Variants in HMG20B observed in about 807,000 individuals in gnomAD.
The protein encoded by HMG20B is high mobility group 20B.
In HMG20B, 24 loss-of-function variants were observed where a neutral mutation model predicts 41.6. The observed-to-expected ratio is 0.58, with a 90% CI of 0.42 to 0.81. The LOEUF (loss-of-function observed/expected upper bound fraction) is 0.81, where lower values mean the gene tolerates loss of function less well. HMG20B is among the 30% of genes least tolerant of loss of function. The pLI is 0.00. For missense variants in HMG20B, 461 were observed against 444.0 expected, an observed-to-expected ratio of 1.04 and a Z score of -0.34; for synonymous variants, 251 against 186.6, an observed-to-expected ratio of 1.34 and a Z score of -2.81.
intron 9 of HMG20B, 49 bp from the exon 10 acceptor site, chr19:3,578,460 G>A (rs576043068): frequency 6.7e-7 from 1 of 1,485,162 alleles, no homozygotes; most frequent in African/African-American, 1.4e-5. Context: ...CCGGGGTGGG[G>A]GCCAGAGATG....
chr19:3,577,540 C>A (rs1316365026), intron 8 of HMG20B, among the ~76,000 whole-genome samples: 2 of 146,898 alleles, frequency 1.4e-5, no homozygotes, highest in Admixed American at 1.4e-4. Context: ...CGCCAGCCCC[C>A]GACCAGCCTG....
At position 3,574,505 on chromosome 19, in the gene HMG20B, G is replaced by A. The variant is rs1316189057; in HGVS notation, c.270G>A (p.Thr90=). The change falls in exon 4 of 10, where the codon ACG becomes ACA. Residue 90 remains threonine, a synonymous_variant. Coordinates refer to ENST00000333651, the MANE Select transcript of HMG20B (RefSeq NM_006339.3). ...FLNERREQIR[T]RHPDLPFPEI... Reference sequence around the variant, plus strand: ...ACGAGCGGCGCGAGCAGATCCGCACGCGCCACCCGGATCTGCCCTTTCCCG... The same window carrying A: ...ACGAGCGGCGCGAGCAGATCCGCACACGCCACCCGGATCTGCCCTTTCCCG... 6.2e-7 allele frequency: 1 copy of A among 1,605,974 alleles called. No homozygotes were observed. Among genetic ancestry groups the A allele is most frequent in the Non-Finnish European group, 8.5e-7 (1 of 1,177,322 alleles).
chr19:3,573,387 C>A (rs777304463), intron 2 of HMG20B, 40 bp downstream of exon 2: 2 of 1,497,720 alleles, frequency 1.3e-6, no homozygotes, highest in South Asian at 2.5e-5. Context: ...TCGCTACTTT[C>A]CCGGCTGCAG....
chr19:3,577,145 A>T (rs1313142220), intron 8 of HMG20B, 38 bp downstream of exon 8: 1 of 1,244,588 alleles, frequency 8.0e-7, no homozygotes, highest in African/African-American at 2.5e-5. Context: ...CGCCCCGGTC[A>T]CCCGGCCCCG....
Position 3,578,642 on chromosome 19 carries a change from G to T in HMG20B, c.*121G>T. 7.9e-7 allele frequency: 1 copy of T among 1,266,530 alleles called. No homozygotes were observed. Among genetic ancestry groups the T allele is most frequent in the Non-Finnish European group, 1.1e-6 (1 of 888,330 alleles). 78.5% of individuals were successfully genotyped at this position (1,266,530 alleles called of 1,614,324 possible). A position where few individuals can be genotyped will look rare whatever the true frequency, so the allele number is the denominator to read the frequency against. On this transcript the variant is annotated 3_prime_UTR_variant, in exon 10 of 10. Transcript: ENST00000333651. ...GCCTGGTCCCATCCTGCACCTTGGGGGCTCCAGCCCCCCTAAAATTAAATT... is the reference window on the plus strand; with the variant it reads ...GCCTGGTCCCATCCTGCACCTTGGGTGCTCCAGCCCCCCTAAAATTAAATT...
At chr19:3,574,059 T>TC (rs1461717160) in intron 3 of HMG20B, 1 of 646,488 alleles carries the variant, frequency 1.5e-6, no homozygotes, top group Non-Finnish European at 2.8e-6. Flanking sequence ...GGCGGCACCC[T>TC]CCCCTTGGTC....
Position 3,576,892 on chromosome 19 carries a change from CG to C in HMG20B, c.594del (p.Arg199ValfsTer11), listed in dbSNP as rs1340452952. The part of the protein sequence containing the change: ...FTEEFLDQNK[A>X]REAELRRLRK... ...TTTGACCCCGCTCCCCCCGGCGCAG[CG>C]CGTGAGGCGGAGCTTCGGCGCTTGC... On this transcript the variant is annotated frameshift_variant and splice_region_variant, in exon 8 of 10. Coordinates refer to ENST00000333651, the MANE Select transcript of HMG20B (RefSeq NM_006339.3). LOFTEE classifies it high-confidence loss of function. The C allele has an allele frequency of 6.4e-7, 1 of 1,566,758 alleles. No individual in the cohort carries two copies. The highest frequency in any genetic ancestry group is 8.6e-7 in the Non-Finnish European group (1 of 1,157,526).
intron 3 of HMG20B, chr19:3,574,002 T>C (rs1402406317): frequency 1.4e-6 from 1 of 698,190 alleles, no homozygotes; most frequent in Non-Finnish European, 2.6e-6. Flanking sequence ...CACCGCACAA[T>C]GCCAGCTCTG....
intron 9 of HMG20B, 45 bp downstream of exon 9, chr19:3,578,158 G>T (rs1599857922): frequency 6.3e-7 from 1 of 1,593,802 alleles, no homozygotes; most frequent in East Asian, 2.3e-5. Context: ...TCAAGGCCCG[G>T]ATGTGCCCGC....
Position 3,576,321 on chromosome 19 carries a change from TTC to T in HMG20B, c.519+15_519+16del. 1 of 1,390,378 alleles carries T rather than the reference TTC, an allele frequency of 7.2e-7. No homozygotes were observed. The highest frequency in any genetic ancestry group is 1.0e-6 in the Non-Finnish European group (1 of 984,074). The allele number at this position is 1,390,378 out of a possible 1,614,324, so 86.1% of individuals were successfully genotyped here. A position where few individuals can be genotyped will look rare whatever the true frequency, so the allele number is the denominator to read the frequency against. ...AATGGACACAAGGTAAGCGACCTTC[TTC>T]CTCTCAAAGCACCTGGGGGAGAAAG... On this transcript the variant is annotated intron_variant, in intron 6 of 9. Coordinates refer to ENST00000333651, the MANE Select transcript of HMG20B (RefSeq NM_006339.3).
intron 4 of HMG20B, 138 bp from the exon 5 acceptor site, chr19:3,575,402 G>A: frequency 7.1e-7 from 1 of 1,403,250 alleles, no homozygotes; most frequent in South Asian, 1.4e-5. Flanking sequence ...CTGAGGAGCC[G>A]GTTCTGTCTG....
In HMG20B at chr19:3,573,789, C is replaced by A; in HGVS notation, c.136C>A (p.His46Asn). The A allele has an allele frequency of 6.3e-7, 1 of 1,582,200 alleles. No individual in the cohort carries two copies. The highest frequency in any genetic ancestry group is 8.6e-7 in the Non-Finnish European group (1 of 1,167,746). Residue 46 changes from histidine to asparagine, a missense_variant, in exon 3 of 10, where the codon CAC becomes AAC. Transcript: ENST00000333651. ...EGPRAGEKGS[H>N]EEEPVKKRGW... The stretch of plus-strand genomic sequence containing the variant: ...TCCACGCGCGGGCGAGAAGGGGTCC[C>A]ACGAGGAGGAGGTGAGAGTCCCTGC...
At chr19:3,573,521 G>A (rs1352440641) in intron 2 of HMG20B, 171 bp from the exon 3 acceptor site, 1 of 895,592 alleles carries the variant, frequency 1.1e-6, no homozygotes, top group Admixed American at 3.4e-5. Context: ...TCCCTCCCAG[G>A]AGCCCCGCTT....
chr19:3,576,045 C>T (rs2032154640), intron 5 of HMG20B: 2 of 595,478 alleles, frequency 3.4e-6, no homozygotes, highest in Non-Finnish European at 6.0e-6. Flanking sequence ...CAGGCAGGGC[C>T]TCCCTCCGTG....
In HMG20B at chr19:3,576,273, C is replaced by T. The variant is rs377530592; in HGVS notation, c.485C>T (p.Ser162Phe). 1 of 1,613,836 alleles carries T rather than the reference C, an allele frequency of 6.2e-7. No homozygotes were observed. The highest frequency in any genetic ancestry group is 8.5e-7 in the Non-Finnish European group (1 of 1,179,844). Residue 162 changes from serine to phenylalanine, a missense_variant, in exon 6 of 10, where the codon TCT becomes TTT. Ser to Phe is a radical substitution (Grantham distance 155). Around this residue, in one of 3 missense-constraint regions of HMG20B, gnomAD observed 308 missense variants for 283.4 expected, o/e 1.09. Coordinates refer to ENST00000333651, the MANE Select transcript of HMG20B (RefSeq NM_006339.3). The part of the protein sequence containing the change: ...EKKIKKEDSS[S>F]GLMNTLLNGH... ...CCTCCCCCGCCAGAAGACTCGAGCT[C>T]TGGGCTCATGAACACTCTCCTGAAT...
At chr19:3,574,323 C>T (rs371114923) in intron 3 of HMG20B, 60 bp from the exon 4 acceptor site, 102 of 1,487,702 alleles carry the variant, frequency 6.9e-5, no homozygotes, top group South Asian at 4.5e-4. Flanking sequence ...GCCCATGCCC[C>T]TCTGAGCCCT....
intron 8 of HMG20B, among the ~76,000 whole-genome samples, 179 bp from the exon 9 acceptor site, chr19:3,577,802 C>G (rs1366234945): frequency 2.0e-5 from 3 of 151,536 alleles, no homozygotes; most frequent in Non-Finnish European, 4.4e-5. Context: ...CTGTCCCCGT[C>G]CTCGCCATCC....
chr19:3,575,632 G>A lies in HMG20B; in HGVS notation c.444G>A (p.Glu148=), dbSNP rs2032141600. The A allele has an allele frequency of 1.3e-6, 2 of 1,551,248 alleles. No homozygotes were observed. Among genetic ancestry groups the A allele is most frequent in the Non-Finnish European group, 1.7e-6 (2 of 1,147,052 alleles). ...CTGAAGCCTATAAGATGTGCACGGA[G>A]AAGATCCAGGAGAAGAAGATCAAGA... ...QQSEAYKMCT[E]KIQEKKIKKE... is the part of the protein sequence containing the mutation. Residue 148 remains glutamate (E), a synonymous_variant, in exon 5 of 10, where the codon GAG becomes GAA. Transcript: ENST00000333651.
chr19:3,577,580 G>A (rs1479803085), intron 8 of HMG20B, among the ~76,000 whole-genome samples: 5 of 107,824 alleles, frequency 4.6e-5, no homozygotes, highest in Admixed American at 1.1e-4. Flanking sequence ...CGCTCGCCAC[G>A]CCACGTTCCC....
Sources: gnomAD v4.1 joint callset for allele counts (sites outside exome capture counted in the v4.1 genomes callset) on GRCh38, gnomAD v4.1.1 for gene constraint, gnomAD v4.1.1 regional missense constraint, MANE v1.5 for transcripts, NCBI Gene and HGNC (gene_info 2026-07-23, HGNC 2026-07-21) for gene names.